GALK2: variants seen among roughly 807,000 people sequenced by gnomAD.
The protein encoded by GALK2 is N-acetylgalactosamine kinase.
In GALK2, 36 loss-of-function variants were observed where a neutral mutation model predicts 52.4. The observed-to-expected ratio is 0.69, with a 90% CI of 0.53 to 0.91. The LOEUF (loss-of-function observed/expected upper bound fraction) is 0.91. Among genes scored for constraint, GALK2 ranks in the 40% least tolerant of loss-of-function variants. GALK2 has a pLI of 0.00. For synonymous variants in GALK2, 176 were observed against 199.1 expected (o/e 0.88, Z 0.98); for missense variants, 579 against 559.1 (o/e 1.04, Z -0.36).
At chr15:49,233,772 G>A (rs1418136510) in intron 3 of GALK2, among the ~76,000 whole-genome samples, 1 of 152,146 alleles carries the variant, frequency 6.6e-6, no homozygotes, top group Non-Finnish European at 1.5e-5. Flanking sequence ...AAACCTCTTT[G>A]AGCCTCCAGG....
intron 1 of GALK2, among the ~76,000 whole-genome samples, chr15:49,181,614 C>T (rs929031476): frequency 8.7e-5 from 13 of 149,396 alleles, no homozygotes; most frequent in Admixed American, 2.7e-4. Context: ...TGGGTTCAAG[C>T]GATTCTTGTG....
At chr15:49,357,393 T>A (rs1422271547) in intron 3 of GALK2, among the ~76,000 whole-genome samples, 1 of 149,036 alleles carries the variant, frequency 6.7e-6, no homozygotes, top group Non-Finnish European at 1.5e-5. Flanking sequence ...TAAAAAATGA[T>A]AAAGGGGATA....
intron 3 of GALK2, among the ~76,000 whole-genome samples, chr15:49,364,004 G>A (rs542303812): frequency 6.6e-6 from 1 of 152,102 alleles, no homozygotes; most frequent in Non-Finnish European, 1.5e-5. Context: ...ACATGCTGCT[G>A]GATTCCGTTC....
At chr15:49,192,812 C>G (rs2086869102) in intron 1 of GALK2, among the ~76,000 whole-genome samples, 1 of 151,574 alleles carries the variant, frequency 6.6e-6, no homozygotes, top group South Asian at 2.1e-4. Context: ...TGTTTAAGGG[C>G]CTTTTAAAAA....
At chr15:49,293,080 G>C (rs1482473803) in intron 8 of GALK2, among the ~76,000 whole-genome samples, 2 of 152,156 alleles carry the variant, frequency 1.3e-5, no homozygotes, top group African/African-American at 4.8e-5. Context: ...GTTCCTCTTA[G>C]ACTAGAGGTT....
chr15:49,340,258 G>A (rs956391166), intron 3 of GALK2, among the ~76,000 whole-genome samples: 1 of 152,188 alleles, frequency 6.6e-6, no homozygotes, highest in Non-Finnish European at 1.5e-5. Context: ...AGGCTCCAGA[G>A]GGGATTCCTG....
chr15:49,180,012 T>C (rs1404703771), intron 1 of GALK2, among the ~76,000 whole-genome samples: 7 of 152,186 alleles, frequency 4.6e-5, no homozygotes, highest in Admixed American at 2.6e-4. Context: ...ATAGCCTCCA[T>C]GCATTTGAAT....
intron 4 of GALK2, among the ~76,000 whole-genome samples, chr15:49,236,350 C>G (rs1273328024): frequency 6.6e-6 from 1 of 152,038 alleles, no homozygotes; most frequent in Non-Finnish European, 1.5e-5. Context: ...CCTCTTAAGT[C>G]TCAGATTTAT....
At chr15:49,287,211 T>A (rs1879778452) in intron 7 of GALK2, among the ~76,000 whole-genome samples, 1 of 152,200 alleles carries the variant, frequency 6.6e-6, no homozygotes, top group African/African-American at 2.4e-5. Flanking sequence ...GGTACTTTGG[T>A]CAGCAAAATT....
At position 49,212,054 on chromosome 15, in the gene GALK2, A is replaced by T. The variant is rs554019681; in HGVS notation, c.143-5136A>T. Among the ~76,000 whole-genome samples, 88 of 152,224 alleles carry T rather than the reference A, an allele frequency of 5.8e-4. 1 individual carries two copies. Among genetic ancestry groups the T allele is most frequent in the African/African-American group, 2.1e-3 (86 of 41,518 alleles). ...ATCAGTTATAATATCTTTAAAAAAA[A>T]TTATCTGACTTTATTTATTTGAATC... On this transcript the variant is annotated intron_variant, in intron 2 of 9. Coordinates refer to ENST00000560031, the MANE Select transcript of GALK2 (RefSeq NM_002044.4).
chr15:49,254,854 G>T (rs2091748990), intron 5 of GALK2, among the ~76,000 whole-genome samples: 2 of 144,330 alleles, frequency 1.4e-5, no homozygotes, highest in African/African-American at 5.0e-5. Context: ...TATTGTTAAT[G>T]TACCACTTAA....
chr15:49,271,200 T>A (rs1187414457), intron 5 of GALK2, among the ~76,000 whole-genome samples: 1 of 152,176 alleles, frequency 6.6e-6, no homozygotes, highest in Non-Finnish European at 1.5e-5. Flanking sequence ...CCGCTGGTAT[T>A]TAGTAGCTGT....
intron 5 of GALK2, among the ~76,000 whole-genome samples, chr15:49,243,986 C>T (rs1566972299): frequency 6.6e-6 from 1 of 151,484 alleles, no homozygotes; most frequent in Admixed American, 6.6e-5. Context: ...GAAGAACTCT[C>T]TGATATAGTA....
chr15:49,325,323 T>G (rs2037290704), intron 9 of GALK2, among the ~76,000 whole-genome samples: 1 of 152,214 alleles, frequency 6.6e-6, no homozygotes. Flanking sequence ...CAAAGTGGGA[T>G]CCGAGGGATT....
intron 5 of GALK2, among the ~76,000 whole-genome samples, chr15:49,277,171 T>G (rs1326514297): frequency 4.8e-5 from 1 of 21,004 alleles, no homozygotes; most frequent in African/African-American, 1.8e-4. Context: ...TTTTTTTTTT[T>G]TTTTTTTTTT....
At chr15:49,173,165 G>C (rs35291506) in intron 1 of GALK2, among the ~76,000 whole-genome samples, 10,116 of 152,094 alleles carry the variant, frequency 0.067, 461 homozygotes, top group East Asian at 0.18. Context: ...TAAAATGTGT[G>C]TTTTTTTGGT....
At chr15:49,228,886 T>A (rs1288004928) in intron 3 of GALK2, among the ~76,000 whole-genome samples, 1 of 150,248 alleles carries the variant, frequency 6.7e-6, no homozygotes, top group East Asian at 2.0e-4. Context: ...GTAGAGATGG[T>A]GTTTCACCAT....
chr15:49,281,303 T>G (rs1567016064), intron 5 of GALK2, among the ~76,000 whole-genome samples: 1 of 152,204 alleles, frequency 6.6e-6, no homozygotes, highest in African/African-American at 2.4e-5. Flanking sequence ...TGGATAAGAA[T>G]GGTAAATGAT....
chr15:49,328,196 A>G lies in GALK2; in HGVS notation c.*37A>G. The stretch of plus-strand genomic sequence containing the variant: ...AAGTCTGAGAGAAACTACTTAGGGC[A>G]CTTAGGAATTGGCAGGACTTTCTGT... On this transcript the variant is annotated 3_prime_UTR_variant, in exon 10 of 10. Coordinates refer to ENST00000560031, the MANE Select transcript of GALK2 (RefSeq NM_002044.4). 1 of 1,579,230 alleles carries G rather than the reference A, an allele frequency of 6.3e-7. No homozygotes were observed. Among genetic ancestry groups the G allele is most frequent in the Non-Finnish European group, 8.6e-7 (1 of 1,160,504 alleles).
Sources: gnomAD v4.1 joint callset for allele counts (sites outside exome capture counted in the v4.1 genomes callset) on GRCh38, gnomAD v4.1.1 for gene constraint, MANE v1.5 for transcripts, NCBI Gene and HGNC (gene_info 2026-07-23, HGNC 2026-07-21) for gene names.